TCF7L1: variants seen among roughly 807,000 people sequenced by gnomAD.
TCF7L1 encodes transcription factor 7-like 1.
In TCF7L1, 18 loss-of-function variants were observed where a neutral mutation model predicts 63.7. That is an observed-to-expected ratio of 0.28 (90% CI 0.20 to 0.42). The LOEUF is 0.42. TCF7L1 is among the 10% of genes least tolerant of loss of function. The probability of loss-of-function intolerance (pLI) is 1.00; values close to 1 mark genes in which losing one functional copy is unlikely to be tolerated. For synonymous variants in TCF7L1, 355 were observed against 340.9 expected, an observed-to-expected ratio of 1.04 and a Z score of -0.46; for missense variants, 654 against 779.3, an observed-to-expected ratio of 0.84 and a Z score of 1.91.
rs775326696 is a variant in TCF7L1, at chr2:85,237,100, T to C, written c.442-46395T>C. ...GGGTTTTCCCATCTGCCCTGAAGTA[T>C]GGTCCAGGAGGTGGTGATCATTTGG... On this transcript the variant is annotated intron_variant, in intron 3 of 11. Transcript: ENST00000282111. 4.6e-5 allele frequency among the ~76,000 whole-genome samples: 7 copies of C among 152,326 alleles called. No individual in the cohort carries two copies. The South Asian group carries it at 1.2e-3, about 27-fold the overall frequency.
In TCF7L1 at chr2:85,295,304, C is replaced by T. The variant is rs530081598; in HGVS notation, c.526-7180C>T. 1.3e-5 allele frequency among the ~76,000 whole-genome samples: 2 copies of T among 152,120 alleles called. 1 individual carries two copies. The highest frequency in any genetic ancestry group is 1.3e-4 in the Admixed American group (2 of 15,292). On this transcript the variant is annotated intron_variant, in intron 4 of 11. Transcript: ENST00000282111. ...GCAACCTTTGCCTCCCAGGTTCAAG[C>T]GATTCTCCTGTCTCAGCCTCCCTAG...
chr2:85,209,857 GTCTAATTTAGCAGA>G (rs1558634534), intron 3 of TCF7L1, among the ~76,000 whole-genome samples: 1 of 152,164 alleles, frequency 6.6e-6, no homozygotes, highest in Non-Finnish European at 1.5e-5. Context: ...TTCCCAGGGA[GTCTAATTTAGCAGA>G]TCTGGGGTGG....
At chr2:85,286,615 C>T (rs989881313) in intron 4 of TCF7L1, among the ~76,000 whole-genome samples, 4 of 152,120 alleles carry the variant, frequency 2.6e-5, no homozygotes, top group African/African-American at 9.7e-5. Flanking sequence ...CCTGCCTCAG[C>T]CTTCCAAGTA....
intron 3 of TCF7L1, among the ~76,000 whole-genome samples, chr2:85,274,521 C>T (rs1174517299): frequency 6.6e-6 from 1 of 152,140 alleles, no homozygotes; most frequent in African/African-American, 2.4e-5. Flanking sequence ...AGCTTTCCAG[C>T]CATCCCAGCA....
At chr2:85,282,689 C>T (rs377127531) in intron 3 of TCF7L1, among the ~76,000 whole-genome samples, 16 of 152,132 alleles carry the variant, frequency 1.1e-4, no homozygotes, top group African/African-American at 3.4e-4. Flanking sequence ...TGCAGGGCTC[C>T]GGAGCCCAGA....
At chr2:85,148,689 T>C (rs938655039) in intron 3 of TCF7L1, among the ~76,000 whole-genome samples, 4 of 152,100 alleles carry the variant, frequency 2.6e-5, no homozygotes, top group Admixed American at 6.6e-5. Context: ...ATATACAGTA[T>C]TATCACAACT....
chr2:85,180,625 C>A (rs970346885), intron 3 of TCF7L1, among the ~76,000 whole-genome samples: 2 of 152,168 alleles, frequency 1.3e-5, no homozygotes, highest in Non-Finnish European at 2.9e-5. Context: ...TTGCCTTTCA[C>A]GTTCTTCAGA....
At chr2:85,176,757 C>A (rs1176103263) in intron 3 of TCF7L1, among the ~76,000 whole-genome samples, 1 of 152,104 alleles carries the variant, frequency 6.6e-6, no homozygotes, top group Non-Finnish European at 1.5e-5. Flanking sequence ...GAGGCTGAAG[C>A]AGGTGGATCA....
At chr2:85,141,810 A>G (rs1317410884) in intron 3 of TCF7L1, among the ~76,000 whole-genome samples, 1 of 152,134 alleles carries the variant, frequency 6.6e-6, no homozygotes, top group East Asian at 1.9e-4. Context: ...AGACTTGAAG[A>G]TGAGGTTGTA....
At chr2:85,269,801 C>G (rs1314216645) in intron 3 of TCF7L1, among the ~76,000 whole-genome samples, 1 of 152,170 alleles carries the variant, frequency 6.6e-6, no homozygotes, top group African/African-American at 2.4e-5. Context: ...CGTGTTGTTC[C>G]CTGAGATATG....
chr2:85,209,182 G>A (rs756719455), intron 3 of TCF7L1, among the ~76,000 whole-genome samples: 6 of 152,176 alleles, frequency 3.9e-5, no homozygotes, highest in African/African-American at 9.7e-5. Context: ...GCTAGAGAGC[G>A]AATAAGGCAG....
intron 3 of TCF7L1, among the ~76,000 whole-genome samples, chr2:85,214,137 G>A (rs568632068): frequency 6.6e-6 from 1 of 152,160 alleles, no homozygotes; most frequent in African/African-American, 2.4e-5. Context: ...TCCCCCTCCC[G>A]TGAAGAGCCA....
chr2:85,251,508 A>G (rs1278871684), intron 3 of TCF7L1, among the ~76,000 whole-genome samples: 1 of 152,176 alleles, frequency 6.6e-6, no homozygotes. Flanking sequence ...GCCTAAAGTC[A>G]TCACACTGCT....
intron 3 of TCF7L1, among the ~76,000 whole-genome samples, chr2:85,214,799 G>C (rs1298253580): frequency 1.3e-5 from 2 of 152,198 alleles, no homozygotes; most frequent in Non-Finnish European, 2.9e-5. Context: ...CTGTATATAT[G>C]CTATATCTCA....
At chr2:85,283,273 C>CCCCA (rs35750715) in intron 3 of TCF7L1, among the ~76,000 whole-genome samples, 3 of 151,050 alleles carry the variant, frequency 2.0e-5, no homozygotes, top group East Asian at 1.9e-4. Context: ...TGTCCCCCCC[C>CCCCA]CCAAAATGAC....
intron 3 of TCF7L1, among the ~76,000 whole-genome samples, chr2:85,230,052 C>T (rs1680043295): frequency 6.6e-6 from 1 of 152,174 alleles, no homozygotes; most frequent in Non-Finnish European, 1.5e-5. Context: ...CCAGACCTTT[C>T]TTCTGGCATG....
intron 3 of TCF7L1, among the ~76,000 whole-genome samples, chr2:85,212,612 C>G (rs928458753): frequency 6.6e-6 from 1 of 152,112 alleles, no homozygotes; most frequent in Non-Finnish European, 1.5e-5. Flanking sequence ...GGCAGGGGGA[C>G]AGCAAGAGTA....
At chr2:85,298,806 G>A (rs1345681465) in intron 4 of TCF7L1, among the ~76,000 whole-genome samples, 1 of 152,072 alleles carries the variant, frequency 6.6e-6, no homozygotes, top group Admixed American at 6.5e-5. Context: ...TTGGGTATAT[G>A]CTGTGAACAT....
At chr2:85,229,427 C>A (rs990315106) in intron 3 of TCF7L1, among the ~76,000 whole-genome samples, 3 of 152,166 alleles carry the variant, frequency 2.0e-5, no homozygotes, top group Admixed American at 6.5e-5. Flanking sequence ...GTCCTATAAC[C>A]CCAATTCTGC....
Sources: allele counts gnomAD v4.1 joint callset (sites outside exome capture counted in the v4.1 genomes callset), GRCh38; gene constraint gnomAD v4.1.1; transcripts MANE v1.5; gene names NCBI Gene and HGNC (gene_info 2026-07-23, HGNC 2026-07-21).